Variants in RBSN observed in about 807,000 individuals in gnomAD.
The protein encoded by RBSN is rabenosyn, RAB effector, also known as rabenosyn-5.
Under a neutral mutation model 60.5 loss-of-function variants are expected in RBSN, and 34 were observed. The observed-to-expected ratio is 0.56, with a 90% CI of 0.43 to 0.75. The LOEUF (loss-of-function observed/expected upper bound fraction) is 0.75, where lower values mean the gene tolerates loss of function less well. RBSN is among the 30% of genes least tolerant of loss of function. The pLI, the probability that RBSN is intolerant of heterozygous loss-of-function variation, is 0.00. For missense variants in RBSN, 845 were observed against 986.8 expected, an observed-to-expected ratio of 0.86 and a Z score of 1.92; for synonymous variants, 322 against 366.9, an observed-to-expected ratio of 0.88 and a Z score of 1.40.
rs1036904450 is a variant in RBSN at position 15,072,716 on chromosome 3, C to G, written c.*1066G>C. 1.3e-5 allele frequency: 2 copies of G among 150,048 alleles called. No individual in the cohort carries two copies. The highest frequency in any genetic ancestry group is 4.9e-5 in the African/African-American group (2 of 41,166). The allele number at this position is 150,048 out of a possible 1,614,324, so 9.3% of individuals were successfully genotyped here. On this transcript the variant is annotated 3_prime_UTR_variant, in exon 14 of 14. Coordinates refer to ENST00000253699, the MANE Select transcript of RBSN (RefSeq NM_022340.4). ...CTAATATCAACCAAAAAGTTAACCA[C>G]TCTTATTTTTTTTTGAGACGGAGTC...
chr3:15,084,132 T>A lies in RBSN; in HGVS notation c.598+603A>T, dbSNP rs1483897797. Reference sequence around the variant, plus strand: ...GCTATTTTATTTTATTTATTTATTTTTTTGAGATGGGAGTCTCGCTCGGTC... The same window carrying A: ...GCTATTTTATTTTATTTATTTATTTATTTGAGATGGGAGTCTCGCTCGGTC... On this transcript the variant is annotated intron_variant, in intron 8 of 13. Transcript: ENST00000253699. This position sits in a 1 kb window ranked among gnomAD's most constrained non-coding sequence, Gnocchi z 4.2. Among the ~76,000 whole-genome samples the A allele has an allele frequency of 6.6e-6, 1 of 152,184 alleles. No homozygotes were observed. Among genetic ancestry groups the A allele is most frequent in the Non-Finnish European group, 1.5e-5 (1 of 68,036 alleles).
At position 15,096,041 on chromosome 3, in the gene RBSN, TAGAA is replaced by T. The variant is rs1340401077; in HGVS notation, c.76_79del (p.Phe26IlefsTer37). The stretch of plus-strand genomic sequence containing the variant: ...TTCCTCGTAATGTGAGTGAAGCTGA[TAGAA>T]AGACTGCAGATCCTTCAGGCACAGA... On this transcript the variant is annotated frameshift_variant, in exon 4 of 14. Transcript: ENST00000253699. LOFTEE classifies it high-confidence loss of function. 2 of 1,614,020 alleles carry T rather than the reference TAGAA, an allele frequency of 1.2e-6. No individual in the cohort carries two copies. Among genetic ancestry groups the T allele is most frequent in the African/African-American group, 1.3e-5 (1 of 74,928 alleles).
chr3:15,085,287 G>A (rs998534343), intron 6 of RBSN, among the ~76,000 whole-genome samples: 1 of 152,114 alleles, frequency 6.6e-6, no homozygotes, highest in African/African-American at 2.4e-5. Context: ...ACCCATTTTA[G>A]CAATAACCAG....
At chr3:15,094,783 G>T (rs1232674441) in intron 4 of RBSN, among the ~76,000 whole-genome samples, 3 of 152,306 alleles carry the variant, frequency 2.0e-5, no homozygotes, top group East Asian at 3.9e-4. Context: ...GTGAGATAGA[G>T]TGAGACTCTA....
chr3:15,079,187 T>C (rs1047381413), intron 10 of RBSN, among the ~76,000 whole-genome samples: 1 of 152,212 alleles, frequency 6.6e-6, no homozygotes, highest in Non-Finnish European at 1.5e-5. Context: ...AACTCTGTCA[T>C]GGTGGTGCAA....
At position 15,074,043 on chromosome 3, in the gene RBSN, C is replaced by G; in HGVS notation, c.2094G>C (p.Gln698His). 6.2e-7 allele frequency: 1 copy of G among 1,614,064 alleles called. No homozygotes were observed. Among genetic ancestry groups the G allele is most frequent in the Non-Finnish European group, 8.5e-7 (1 of 1,180,014 alleles). Residue 698 changes from glutamine (Q) to histidine (H), a missense_variant, in exon 14 of 14, where the codon CAG becomes CAC. Coordinates refer to ENST00000253699, the MANE Select transcript of RBSN (RefSeq NM_022340.4). The surrounding 1 kb of genome is among the most constrained non-coding windows in gnomAD (Gnocchi z 6.4). ...GAACCAGAGGGCTTGAGAGCCTCTG[C>G]TGGGGATGTTCGTCTTCCTCACTGA... ...NPFSEEDEHP[Q>H]QRLSSPLVPG...
chr3:15,075,326 CCTCTGCAA>C (rs1176811041), intron 13 of RBSN: 7 of 635,108 alleles, frequency 1.1e-5, no homozygotes, highest in Non-Finnish European at 2.0e-5. Context: ...ATGTCTTGGT[CCTCTGCAA>C]CTCCTGCCAT....
chr3:15,078,114 A>G lies in RBSN; in HGVS notation c.959T>C (p.Val320Ala). The stretch of plus-strand genomic sequence containing the variant: ...CAGCTCATACACTTTCTGCACTTCC[A>G]CTCGAAGGTCACTGGCATGTTCCAG... ...YSLEHASDLR[V>A]EVQKVYELID... Residue 320 changes from valine (V) to alanine (A), a missense_variant, in exon 11 of 14, where the codon GTG becomes GCG. Coordinates refer to ENST00000253699, the MANE Select transcript of RBSN (RefSeq NM_022340.4). 1.2e-6 allele frequency: 2 copies of G among 1,613,986 alleles called. No homozygotes were observed. The highest frequency in any genetic ancestry group is 1.1e-5 in the South Asian group (1 of 91,078).
rs539040037 is a variant in RBSN at position 15,090,341 on chromosome 3, C to T, written c.289+58G>A. 1,332 of 1,591,960 alleles carry T rather than the reference C, an allele frequency of 8.4e-4. 3 individuals carry two copies. In the African/African-American group the frequency reaches 0.015, roughly 18 times the overall value. On this transcript the variant is annotated intron_variant, in intron 5 of 13. Transcript: ENST00000253699. ...CCTCAGCCAACTCTTAAAACTTTACCTAGAACATAGCAGATGCTCAATAAC... is the reference window on the plus strand; with the variant it reads ...CCTCAGCCAACTCTTAAAACTTTACTTAGAACATAGCAGATGCTCAATAAC...
intron 4 of RBSN, among the ~76,000 whole-genome samples, chr3:15,092,404 T>G (rs2043540009): frequency 1.3e-5 from 2 of 151,670 alleles, no homozygotes; most frequent in Admixed American, 1.3e-4. Flanking sequence ...TTTTTTTGTT[T>G]GTTTGTTTGT....
intron 5 of RBSN, among the ~76,000 whole-genome samples, chr3:15,089,786 A>ATTTTTTTTTT (rs1223819048): frequency 6.6e-6 from 1 of 151,402 alleles, no homozygotes. Flanking sequence ...AATTTTTTGT[A>ATTTTTTTTTT]TTTTTAGTAG....
In RBSN at chr3:15,099,044, C is replaced by T. The variant is rs2043751236; in HGVS notation, c.-510G>A. ...GACCCTCTGTATGTACCCTGCCGGGCTCCTGCGGGCACCCAGGTTTGTCCC... is the reference window on the plus strand; with the variant it reads ...GACCCTCTGTATGTACCCTGCCGGGTTCCTGCGGGCACCCAGGTTTGTCCC... On this transcript the variant is annotated 5_prime_UTR_variant, in exon 1 of 14. Transcript: ENST00000253699. 6.6e-6 allele frequency: 1 copy of T among 152,398 alleles called. No individual in the cohort carries two copies. Among genetic ancestry groups the T allele is most frequent in the Non-Finnish European group, 1.5e-5 (1 of 68,166 alleles). The allele number at this position is 152,398 out of a possible 1,614,324, so 9.4% of individuals were successfully genotyped here. A position where few individuals can be genotyped will look rare whatever the true frequency, so the allele number is the denominator to read the frequency against.
Position 15,073,816 on chromosome 3 carries a change from T to C in RBSN, c.2321A>G (p.His774Arg). Residue 774 changes from histidine to arginine, a missense_variant, in exon 14 of 14, where the codon CAC (histidine) becomes CGC (arginine). By Grantham distance (29) the His-to-Arg change is conservative. Coordinates refer to ENST00000253699, the MANE Select transcript of RBSN (RefSeq NM_022340.4). ...GCCCCCCTTCTGCTTGGCCAGGGTG[T>C]GCTTCAGCTCCCGCAGATTCTCTGT... ...VLTENLRELK[H>R]TLAKQKGGTD 6.2e-7 allele frequency: 1 copy of C among 1,611,342 alleles called. No individual in the cohort carries two copies. The highest frequency in any genetic ancestry group is 8.5e-7 in the Non-Finnish European group (1 of 1,178,952).
chr3:15,077,171 T>C lies in RBSN; in HGVS notation c.999-7A>G. On this transcript the variant is annotated splice_polypyrimidine_tract_variant and splice_region_variant and intron_variant, in intron 11 of 13. Coordinates refer to ENST00000253699, the MANE Select transcript of RBSN (RefSeq NM_022340.4). This position sits in a 1 kb window ranked among gnomAD's most constrained non-coding sequence, Gnocchi z 4.4. ...CAAGGTTAAGATCTTCTTACTGAAT[T>C]GGAACAAACACATGAATATAATGAG... is the stretch of plus-strand genomic sequence containing the variant. 1 of 1,610,758 alleles carries C rather than the reference T, an allele frequency of 6.2e-7. No individual in the cohort carries two copies. Among genetic ancestry groups the C allele is most frequent in the Non-Finnish European group, 8.5e-7 (1 of 1,176,946 alleles).
chr3:15,076,995 C>T (rs916059984), intron 12 of RBSN, 67 bp downstream of exon 12: 6 of 1,363,100 alleles, frequency 4.4e-6, no homozygotes, highest in Non-Finnish European at 6.3e-6. Flanking sequence ...CATGGATCTG[C>T]CTCCTGGGAA....
rs2042930278 is a variant in RBSN, at chr3:15,071,657, G to A, written c.*2125C>T. ...ACAAGATCTTTTCATTCAACCAAAAGGATAAGAAATGTGCTACAGAAATGT... is the reference window on the plus strand; with the variant it reads ...ACAAGATCTTTTCATTCAACCAAAAAGATAAGAAATGTGCTACAGAAATGT... On this transcript the variant is annotated 3_prime_UTR_variant, in exon 14 of 14. Coordinates refer to ENST00000253699, the MANE Select transcript of RBSN (RefSeq NM_022340.4). The A allele has an allele frequency of 6.6e-6, 1 of 152,168 alleles. No individual in the cohort carries two copies. Among genetic ancestry groups the A allele is most frequent in the Admixed American group, 6.5e-5 (1 of 15,280 alleles). 9.4% of individuals were successfully genotyped at this position (152,168 alleles called of 1,614,324 possible).
chr3:15,082,342 C>T lies in RBSN; in HGVS notation c.840+25G>A. Reference sequence around the variant, plus strand: ...AGCCAAATCTGCCTAAGAAATTAGACCCAAGACCAGACAGCGCGAATCACC... The same window carrying T: ...AGCCAAATCTGCCTAAGAAATTAGATCCAAGACCAGACAGCGCGAATCACC... On this transcript the variant is annotated intron_variant, in intron 9 of 13. Transcript: ENST00000253699. This position sits in a 1 kb window ranked among gnomAD's most constrained non-coding sequence, Gnocchi z 4.2. The T allele has an allele frequency of 1.9e-6, 3 of 1,599,394 alleles. No individual in the cohort carries two copies. Among genetic ancestry groups the T allele is most frequent in the Non-Finnish European group, 2.6e-6 (3 of 1,167,602 alleles).
In RBSN at chr3:15,085,893, C is replaced by T; in HGVS notation, c.358G>A (p.Glu120Lys). 1 of 1,614,038 alleles carries T rather than the reference C, an allele frequency of 6.2e-7. No individual in the cohort carries two copies. The highest frequency in any genetic ancestry group is 8.5e-7 in the Non-Finnish European group (1 of 1,179,994). The change falls in exon 6 of 14, where the codon GAA becomes AAA. Residue 120 changes from glutamate to lysine, a missense_variant. By Grantham distance (56) the Glu-to-Lys change is moderately conservative (BLOSUM62 1). Coordinates refer to ENST00000253699, the MANE Select transcript of RBSN (RefSeq NM_022340.4). ...RAARIDHYVV[E>K]VNKLIIRLEK... ...AACCTGATTATTAGTTTATTGACTT[C>T]CACAACATAGTGGTCAATTCTAGCA...
At chr3:15,092,264 CTT>C (rs1057386629) in intron 4 of RBSN, among the ~76,000 whole-genome samples, 2 of 142,816 alleles carry the variant, frequency 1.4e-5, no homozygotes, top group Admixed American at 7.0e-5. Flanking sequence ...ATACACTTGT[CTT>C]TTTTTTTTTT....
Sources: gnomAD v4.1 joint callset for allele counts (sites outside exome capture counted in the v4.1 genomes callset) on GRCh38, gnomAD v4.1.1 for gene constraint, Gnocchi (gnomAD v3.1) non-coding constraint, MANE v1.5 for transcripts, NCBI Gene and HGNC (gene_info 2026-07-23, HGNC 2026-07-21) for gene names.